Variants in OPCML observed in about 807,000 individuals in gnomAD.
OPCML encodes opioid-binding protein/cell adhesion molecule.
OPCML carries 13 observed loss-of-function variants against 37.8 expected under a neutral mutation model. The ratio of observed to expected loss-of-function variants is 0.34; its 90% CI spans 0.22 to 0.55. The LOEUF (loss-of-function observed/expected upper bound fraction) is 0.55, where lower values mean the gene tolerates loss of function less well. OPCML is among the 20% of genes least tolerant of loss of function. The pLI, the probability that OPCML is intolerant of heterozygous loss-of-function variation, is 0.91. For missense variants in OPCML, 341 were observed against 435.6 expected, an observed-to-expected ratio of 0.78 and a Z score of 1.93; for synonymous variants, 176 against 168.8, an observed-to-expected ratio of 1.04 and a Z score of -0.33.
chr11:132,749,549 TGAATGCACAA>T (rs1945760119), intron 2 of OPCML, among the ~76,000 whole-genome samples: 2 of 152,156 alleles, frequency 1.3e-5, no homozygotes, highest in South Asian at 4.1e-4. Flanking sequence ...TGTAGGCAGT[TGAATGCACAA>T]GTTTGGATTT....
chr11:133,054,115 T>C (rs1948179164), intron 1 of OPCML, among the ~76,000 whole-genome samples: 1 of 152,128 alleles, frequency 6.6e-6, no homozygotes, highest in African/African-American at 2.4e-5. Flanking sequence ...TTATTCCAAA[T>C]ATGAGTCTAT....
intron 2 of OPCML, among the ~76,000 whole-genome samples, chr11:132,784,477 T>C (rs191297362): frequency 6.6e-6 from 1 of 152,154 alleles, no homozygotes; most frequent in Non-Finnish European, 1.5e-5. Flanking sequence ...TTTGAGTCTC[T>C]GCCAAAACAC....
intron 3 of OPCML, among the ~76,000 whole-genome samples, chr11:132,588,189 G>T (rs2096477138): frequency 6.6e-6 from 1 of 152,132 alleles, no homozygotes; most frequent in South Asian, 2.1e-4. Context: ...CATCAGGTAA[G>T]ACTATGTTTG....
At chr11:132,588,906 G>C (rs1051844031) in intron 3 of OPCML, among the ~76,000 whole-genome samples, 1 of 152,158 alleles carries the variant, frequency 6.6e-6, no homozygotes, top group African/African-American at 2.4e-5. Flanking sequence ...CTCAGATTCT[G>C]TTCCAAGCAA....
intron 2 of OPCML, among the ~76,000 whole-genome samples, chr11:132,934,239 G>C (rs985538857): frequency 1.3e-5 from 2 of 152,094 alleles, no homozygotes; most frequent in Non-Finnish European, 2.9e-5. Flanking sequence ...GGCAGGCCTC[G>C]ACCCTCAGAG....
intron 2 of OPCML, among the ~76,000 whole-genome samples, chr11:132,898,111 A>T (rs1413620276): frequency 6.6e-6 from 1 of 152,148 alleles, no homozygotes; most frequent in Non-Finnish European, 1.5e-5. Context: ...TCTACTCACC[A>T]AGGCTAAGCT....
intron 1 of OPCML, among the ~76,000 whole-genome samples, chr11:133,109,388 G>A (rs942031508): frequency 2.0e-5 from 3 of 151,842 alleles, no homozygotes; most frequent in Non-Finnish European, 4.4e-5. Context: ...ACTTGTCCCC[G>A]CCCATGTTCT....
At chr11:132,916,114 G>A (rs74975148) in intron 2 of OPCML, among the ~76,000 whole-genome samples, 4,656 of 151,904 alleles carry the variant, frequency 0.031, 250 homozygotes, top group African/African-American at 0.11. Context: ...TTCAGATCTC[G>A]GATCCATCTG....
intron 3 of OPCML, among the ~76,000 whole-genome samples, chr11:132,539,431 A>G (rs1565648137): frequency 6.6e-6 from 1 of 152,230 alleles, no homozygotes; most frequent in Non-Finnish European, 1.5e-5. Flanking sequence ...CCCAGAACTT[A>G]CAGATTCTTT....
chr11:133,029,409 T>G (rs1368965493), intron 1 of OPCML, among the ~76,000 whole-genome samples: 1 of 152,122 alleles, frequency 6.6e-6, no homozygotes, highest in East Asian at 1.9e-4. Flanking sequence ...ACCAAAAAGA[T>G]ACACACACTT....
intron 1 of OPCML, among the ~76,000 whole-genome samples, chr11:133,160,347 C>T (rs2137215064): frequency 6.6e-6 from 1 of 152,276 alleles, no homozygotes; most frequent in East Asian, 1.9e-4. Context: ...TCATGTGACA[C>T]TCCCAATTCC....
At chr11:132,461,416 G>A (rs1012533256) in intron 4 of OPCML, among the ~76,000 whole-genome samples, 22 of 152,188 alleles carry the variant, frequency 1.4e-4, no homozygotes, top group Non-Finnish European at 2.8e-4. Flanking sequence ...AACACATGGA[G>A]GTTCTAAATG....
In OPCML at chr11:133,377,063, C is replaced by A. The variant is rs146736202; in HGVS notation, c.61+155201G>T. ...GGGACTATGTAGTGTAGTGTTTCGA[C>A]GTCCAGCAGTAAGCATTAGCCTTGA... On this transcript the variant is annotated intron_variant, in intron 1 of 7. Coordinates refer to ENST00000524381, the MANE Select transcript of OPCML (RefSeq NM_001012393.5). Among the ~76,000 whole-genome samples the A allele has an allele frequency of 4.3e-4, 65 of 152,142 alleles. No homozygotes were observed. In the East Asian group the frequency reaches 0.012, roughly 29 times the overall value.
intron 1 of OPCML, among the ~76,000 whole-genome samples, chr11:133,044,590 A>C (rs762816022): frequency 3.3e-5 from 5 of 152,212 alleles, no homozygotes; most frequent in Non-Finnish European, 5.9e-5. Flanking sequence ...ACTCTCAGCC[A>C]AGCACCTTGT....
intron 1 of OPCML, among the ~76,000 whole-genome samples, chr11:133,246,126 A>T (rs1490463698): frequency 1.3e-5 from 2 of 152,114 alleles, no homozygotes; most frequent in Non-Finnish European, 2.9e-5. Flanking sequence ...AGTAAAATTT[A>T]AAAAAAATTA....
intron 1 of OPCML, among the ~76,000 whole-genome samples, chr11:133,204,519 T>C (rs943638458): frequency 1.3e-5 from 2 of 152,172 alleles, no homozygotes; most frequent in African/African-American, 4.8e-5. Context: ...GTGGCCTAAC[T>C]TCACTAGGCA....
At chr11:133,451,880 G>A (rs1216949358) in intron 1 of OPCML, among the ~76,000 whole-genome samples, 1 of 151,032 alleles carries the variant, frequency 6.6e-6, no homozygotes, top group East Asian at 1.9e-4. Flanking sequence ...GCTGATCTCT[G>A]AATGCCTCCT....
chr11:133,094,115 AAAT>A (rs1565444001), intron 1 of OPCML, among the ~76,000 whole-genome samples: 3 of 152,178 alleles, frequency 2.0e-5, no homozygotes, highest in South Asian at 4.1e-4. Context: ...CAGTAAAAAA[AAAT>A]ATGCAGGTGC....
At chr11:133,199,151 G>C (rs1043020589) in intron 1 of OPCML, among the ~76,000 whole-genome samples, 2 of 152,158 alleles carry the variant, frequency 1.3e-5, no homozygotes, top group Non-Finnish European at 2.9e-5. Flanking sequence ...CCTAGGTCTT[G>C]AGGGGTAGAA....
Sources: allele counts gnomAD v4.1 joint callset (sites outside exome capture counted in the v4.1 genomes callset), GRCh38; gene constraint gnomAD v4.1.1; transcripts MANE v1.5; gene names NCBI Gene and HGNC (gene_info 2026-07-23, HGNC 2026-07-21).